The following TCF12 variants were observed in gnomAD, a reference collection of about 807,000 sequenced individuals.
The protein encoded by TCF12 is transcription factor 12.
In TCF12, 45 loss-of-function variants were observed where a neutral mutation model predicts 86.0. The ratio of observed to expected loss-of-function variants is 0.52; its 90% CI spans 0.41 to 0.67. The LOEUF is 0.67. Ranked by LOEUF, TCF12 falls within the 30% of genes least tolerant of loss-of-function variation. TCF12 has a pLI of 0.00. For synonymous variants in TCF12, 330 were observed against 299.6 expected (o/e 1.10, Z -1.05); for missense variants, 881 against 859.9 (o/e 1.02, Z -0.31).
intron 5 of TCF12, among the ~76,000 whole-genome samples, chr15:57,115,279 C>T (rs548829061): frequency 2.1e-3 from 314 of 152,198 alleles, no homozygotes; most frequent in African/African-American, 7.2e-3. Flanking sequence ...ATGGAGTGAG[C>T]TACATAAACT....
At chr15:57,084,413 A>ATT (rs1278652841) in intron 4 of TCF12, among the ~76,000 whole-genome samples, 1 of 152,210 alleles carries the variant, frequency 6.6e-6, no homozygotes, top group Non-Finnish European at 1.5e-5. Context: ...CTACAAAAAG[A>ATT]AATAATAGGG....
rs2070186871 is a variant in TCF12, at chr15:57,077,362, T to G, written c.222+13539T>G. On this transcript the variant is annotated intron_variant, in intron 4 of 20. Transcript: ENST00000333725. ...GTGTGTGTGTGTGTGTGTGTGTGTG[T>G]GTGTGTGTGTGTATATATATTTTTT... Among the ~76,000 whole-genome samples the G allele has an allele frequency of 2.3e-5, 2 of 85,564 alleles. 1 individual carries two copies. Among genetic ancestry groups the G allele is most frequent in the African/African-American group, 1.1e-4 (2 of 18,166 alleles). 56.1% of individuals were successfully genotyped at this position (85,564 alleles called of 152,430 possible).
intron 4 of TCF12, chr15:57,072,862 G>A (rs1324323436): frequency 5.1e-6 from 2 of 390,788 alleles, no homozygotes; most frequent in Non-Finnish European, 4.1e-6. Context: ...AGCCAGAAGA[G>A]TAAAATGTTT....
At chr15:57,138,380 A>AAT (rs1469005336) in intron 5 of TCF12, among the ~76,000 whole-genome samples, 1 of 152,166 alleles carries the variant, frequency 6.6e-6, no homozygotes, top group Non-Finnish European at 1.5e-5. Context: ...CCTTATCTTA[A>AAT]AGCCTTCTTC....
chr15:56,921,633 A>G (rs190167795), intron 3 of TCF12, among the ~76,000 whole-genome samples: 3 of 152,092 alleles, frequency 2.0e-5, no homozygotes, highest in Admixed American at 1.3e-4. Flanking sequence ...TTTTTATTTA[A>G]TTTAAATTTA....
intron 19 of TCF12, among the ~76,000 whole-genome samples, chr15:57,274,961 T>C (rs1243301355): frequency 6.6e-6 from 1 of 152,132 alleles, no homozygotes; most frequent in Non-Finnish European, 1.5e-5. Flanking sequence ...CATAAATAAA[T>C]AAAACATAAA....
intron 5 of TCF12, among the ~76,000 whole-genome samples, chr15:57,094,348 A>G (rs189782571): frequency 1.4e-4 from 21 of 152,334 alleles, no homozygotes; most frequent in Admixed American, 1.3e-3. Context: ...CCTTACCTTT[A>G]TTTTTAGTAA....
intron 3 of TCF12, among the ~76,000 whole-genome samples, chr15:57,001,540 A>G (rs560567675): frequency 1.6e-4 from 24 of 152,088 alleles, no homozygotes; most frequent in Non-Finnish European, 3.1e-4. Context: ...GTTGGATTTG[A>G]TTGTTGCATG....
At chr15:57,290,127 A>G (rs4774252), downstream of TCF12, among the ~76,000 whole-genome samples, 59,441 of 151,548 alleles carry the variant, frequency 0.39, 14,529 homozygotes, top group Non-Finnish European at 0.54. Flanking sequence ...AGCGATACAC[A>G]AGGTCATGAG....
At chr15:57,053,158 A>C (rs1280556343) in intron 3 of TCF12, among the ~76,000 whole-genome samples, 2 of 152,216 alleles carry the variant, frequency 1.3e-5, no homozygotes, top group Non-Finnish European at 2.9e-5. Flanking sequence ...AATAATTGCC[A>C]TTCTAACAGG....
intron 5 of TCF12, among the ~76,000 whole-genome samples, chr15:57,127,291 CTCTT>C (rs1484014889): frequency 6.6e-6 from 1 of 151,996 alleles, no homozygotes; most frequent in Admixed American, 6.6e-5. Context: ...CCCGCTTGTA[CTCTT>C]TCTTCTTTTT....
intron 5 of TCF12, among the ~76,000 whole-genome samples, chr15:57,165,134 C>CTGTGTGTGTGTG (rs10651646): frequency 8.7e-4 from 128 of 147,222 alleles, no homozygotes; most frequent in African/African-American, 3.0e-3. Flanking sequence ...GAATGTATGT[C>CTGTGTGTGTGTG]TGTGTGTGTG....
chr15:57,122,108 A>T (rs2051279894), intron 5 of TCF12, among the ~76,000 whole-genome samples: 1 of 150,466 alleles, frequency 6.6e-6, no homozygotes, highest in Admixed American at 6.6e-5. Flanking sequence ...CAAAAAAAAA[A>T]AAAAAACCAC....
intron 3 of TCF12, among the ~76,000 whole-genome samples, chr15:57,033,231 T>C (rs1338416888): frequency 1.3e-5 from 2 of 152,070 alleles, no homozygotes; most frequent in Non-Finnish European, 2.9e-5. Flanking sequence ...GGAAAAATAG[T>C]GTGATGCAAA....
chr15:57,232,915 T>C (rs2059206741), intron 11 of TCF12, 59 bp downstream of exon 11: 3 of 1,201,552 alleles, frequency 2.5e-6, no homozygotes, highest in Non-Finnish European at 3.3e-6. Context: ...GTGACCCCGA[T>C]ATCTTTATAT....
At chr15:57,163,233 G>A (rs766878124) in intron 5 of TCF12, among the ~76,000 whole-genome samples, 4 of 151,890 alleles carry the variant, frequency 2.6e-5, no homozygotes, top group Non-Finnish European at 5.9e-5. Context: ...CAGGTGAATA[G>A]GATGTTCAAA....
chr15:57,064,280 C>T (rs2068679951), intron 4 of TCF12, among the ~76,000 whole-genome samples: 1 of 152,164 alleles, frequency 6.6e-6, no homozygotes. Context: ...TAACAGATGA[C>T]ATTTCTTAGT....
In TCF12 at chr15:57,140,739, A is replaced by T. The variant is rs528337960; in HGVS notation, c.326-25663A>T. ...TATAAACAAAATTATTTTATTTTAT[A>T]TTTGAGGAAACTGATGCTGAGATAA... is the stretch of plus-strand genomic sequence containing the variant. On this transcript the variant is annotated intron_variant, in intron 5 of 20. Coordinates refer to ENST00000333725, the MANE Select transcript of TCF12 (RefSeq NM_207037.2). Among the ~76,000 whole-genome samples, 97 of 152,198 alleles carry T rather than the reference A, an allele frequency of 6.4e-4. 1 individual carries two copies. Among genetic ancestry groups the T allele is most frequent in the Non-Finnish European group, 1.1e-3 (78 of 68,028 alleles).
chr15:56,964,478 T>C (rs2140628585), intron 3 of TCF12, among the ~76,000 whole-genome samples: 1 of 152,304 alleles, frequency 6.6e-6, no homozygotes, highest in East Asian at 1.9e-4. Context: ...TGTTCATGCT[T>C]GCTTCCCAGC....
Sources: allele counts gnomAD v4.1 joint callset (sites outside exome capture counted in the v4.1 genomes callset), GRCh38; gene constraint gnomAD v4.1.1; transcripts MANE v1.5; gene names NCBI Gene and HGNC (gene_info 2026-07-23, HGNC 2026-07-21).